Variants in MAST3 observed in about 807,000 individuals in gnomAD.
The protein encoded by MAST3 is microtubule associated serine/threonine kinase 3.
A neutral mutation model predicts 127.0 loss-of-function variants in MAST3; 43 were observed. That is an observed-to-expected ratio of 0.34 (90% CI 0.27 to 0.44). The LOEUF (loss-of-function observed/expected upper bound fraction) is 0.44, where lower values mean the gene tolerates loss of function less well. MAST3 is among the 20% of genes least tolerant of loss of function. MAST3 has a pLI of 1.00. For synonymous variants in MAST3, 785 were observed against 809.2 expected, an observed-to-expected ratio of 0.97 and a Z score of 0.51; for missense variants, 1,390 against 1,919.1, an observed-to-expected ratio of 0.72 and a Z score of 5.15.
At chr19:18,142,645 C>T (rs113337781) in intron 21 of MAST3, among the ~76,000 whole-genome samples, 16,607 of 150,442 alleles carry the variant, frequency 0.11, 1,133 homozygotes, top group Admixed American at 0.15. Context: ...CCAATGTGCC[C>T]GGCCTTTTTT....
intron 20 of MAST3, among the ~76,000 whole-genome samples, chr19:18,141,665 G>C (rs2042504245): frequency 6.6e-6 from 1 of 151,638 alleles, no homozygotes; most frequent in Admixed American, 6.6e-5. Flanking sequence ...AAGTCACCAG[G>C]CCTGGTCTAA....
intron 12 of MAST3, 49 bp downstream of exon 12, chr19:18,128,507 G>A (rs751136792): frequency 3.3e-6 from 5 of 1,523,492 alleles, no homozygotes; most frequent in Non-Finnish European, 4.4e-6. Flanking sequence ...TCTTTCCAGA[G>A]TGGACCAGGC....
chr19:18,148,476 A>G lies in MAST3; in HGVS notation c.3509-715A>G, dbSNP rs899567705. Among the ~76,000 whole-genome samples, 4 of 146,472 alleles carry G rather than the reference A, an allele frequency of 2.7e-5. No homozygotes were observed. The South Asian group carries it at 6.5e-4, about 24-fold the overall frequency. The stretch of plus-strand genomic sequence containing the variant: ...GACCCCATCTCAAAAAACAAAAGGG[A>G]AAAAAAAAAAGAAAACAGAAGTGAT... On this transcript the variant is annotated intron_variant, in intron 27 of 27. Transcript: ENST00000687212.
rs531599737 is a variant in MAST3, at chr19:18,146,422, G to A, written c.3163-459G>A. On this transcript the variant is annotated intron_variant, in intron 25 of 27. Transcript: ENST00000687212. ...ATCGTGCCATACTGCACTCCAGCCT[G>A]GGACACAGAGTGAGACCCTCCCTGG... Among the ~76,000 whole-genome samples, 4 of 152,280 alleles carry A rather than the reference G, an allele frequency of 2.6e-5. No homozygotes were observed. The South Asian group carries it at 8.3e-4, about 32-fold the overall frequency.
chr19:18,145,295 C>A lies in MAST3; in HGVS notation c.3039+66C>A. ...TTGACTCTGCCCGGTCATGTCCCTT[C>A]TCAGAGCTGCATTTTGGAGCCTGGC... is the stretch of plus-strand genomic sequence containing the variant. On this transcript the variant is annotated intron_variant, in intron 24 of 27. Transcript: ENST00000687212. This position sits in a 1 kb window ranked among gnomAD's most constrained non-coding sequence, Gnocchi z 5.9. The A allele has an allele frequency of 6.7e-7, 1 of 1,482,204 alleles. No individual in the cohort carries two copies. The highest frequency in any genetic ancestry group is 9.4e-7 in the Non-Finnish European group (1 of 1,065,496). 91.8% of individuals were successfully genotyped at this position (1,482,204 alleles called of 1,614,324 possible).
At chr19:18,120,878 C>T (rs1248788191) in intron 3 of MAST3, among the ~76,000 whole-genome samples, 2 of 152,122 alleles carry the variant, frequency 1.3e-5, no homozygotes, top group Non-Finnish European at 2.9e-5. Flanking sequence ...TGCATCACCA[C>T]GCCCAGCTAA....
chr19:18,105,070 A>G (rs1452333920), intron 1 of MAST3, among the ~76,000 whole-genome samples: 2 of 152,210 alleles, frequency 1.3e-5, no homozygotes, highest in African/African-American at 4.8e-5. Context: ...TGAGAATTTA[A>G]TAAACCCTCG....
At position 18,149,185 on chromosome 19, in the gene MAST3, C is replaced by T. The variant is rs371193733; in HGVS notation, c.3509-6C>T. 723 of 1,502,858 alleles carry T rather than the reference C, an allele frequency of 4.8e-4. 1 individual carries two copies. Among genetic ancestry groups the T allele is most frequent in the Non-Finnish European group, 6.1e-4 (687 of 1,127,476 alleles). The allele number at this position is 1,502,858 out of a possible 1,614,324, so 93.1% of individuals were successfully genotyped here. A position where few individuals can be genotyped will look rare whatever the true frequency, so the allele number is the denominator to read the frequency against. ...AGCAGCCCTGACCTACGCTTATCAC[C>T]CACAGATACCACTGCATCCCCACCC... On this transcript the variant is annotated splice_polypyrimidine_tract_variant and splice_region_variant and intron_variant, in intron 27 of 27. Coordinates refer to ENST00000687212, the MANE Select transcript of MAST3 (RefSeq NM_001393504.1). The surrounding 1 kb of genome is among the most constrained non-coding windows in gnomAD (Gnocchi z 5.9).
Position 18,110,192 on chromosome 19 carries a change from A to G in MAST3, c.72-460A>G, listed in dbSNP as rs1444579094. On this transcript the variant is annotated intron_variant, in intron 2 of 27. Coordinates refer to ENST00000687212, the MANE Select transcript of MAST3 (RefSeq NM_001393504.1). This position sits in a 1 kb window ranked among gnomAD's most constrained non-coding sequence, Gnocchi z 4.3. ...CCAGCCCCCGCGTCTAGTCTGCCGC[A>G]CCAGCCAGGCGTCTGTCCCTGCGTC... 2.0e-6 allele frequency: 2 copies of G among 985,242 alleles called. No homozygotes were observed. Among genetic ancestry groups the G allele is most frequent in the Non-Finnish European group, 2.4e-6 (2 of 829,936 alleles). The allele number at this position is 985,242 out of a possible 1,614,324, so 61.0% of individuals were successfully genotyped here.
chr19:18,122,642 T>C, intron 5 of MAST3, 31 bp from the exon 6 acceptor site: 2 of 1,596,586 alleles, frequency 1.3e-6, no homozygotes, highest in Middle Eastern at 1.7e-4. Context: ...GGCCAGGCCT[T>C]CCTTCCATCT....
rs1381102238 is a variant in MAST3, at chr19:18,110,267, G to A, written c.72-385G>A. 9.1e-6 allele frequency: 9 copies of A among 985,490 alleles called. No homozygotes were observed. Among genetic ancestry groups the A allele is most frequent in the Non-Finnish European group, 1.1e-5 (9 of 830,060 alleles). 61.0% of individuals were successfully genotyped at this position (985,490 alleles called of 1,614,324 possible). ...CGCGCCACGATCAGGGCTTCCGGGG[G>A]CCAACAAGGGGGCGTCGGTACCCCG... On this transcript the variant is annotated intron_variant, in intron 2 of 27. Transcript: ENST00000687212. The surrounding 1 kb of genome is among the most constrained non-coding windows in gnomAD (Gnocchi z 4.3).
At position 18,144,677 on chromosome 19, in the gene MAST3, C is replaced by T. The variant is rs1344231780; in HGVS notation, c.2796C>T (p.Ser932=). The T allele has an allele frequency of 1.2e-6, 2 of 1,609,080 alleles. No individual in the cohort carries two copies. ...VPKSASVSAL[S]LIITADDGSG... ...AGTCAGCCTCTGTCTCTGCCCTGTC[C>T]CTCATCATCACGGCAGGTAATGCCC... The change falls in exon 23 of 28, where the codon TCC becomes TCT. Residue 932 remains serine, a synonymous_variant. Transcript: ENST00000687212. The surrounding 1 kb of genome is among the most constrained non-coding windows in gnomAD (Gnocchi z 4.0).
At chr19:18,106,627 A>C (rs2038087283) in intron 1 of MAST3, among the ~76,000 whole-genome samples, 1 of 151,078 alleles carries the variant, frequency 6.6e-6, no homozygotes, top group African/African-American at 2.4e-5. Flanking sequence ...GCTGGAGTGC[A>C]ATGGTGTGAC....
At chr19:18,132,095 G>A (rs1287131980) in intron 15 of MAST3, 48 bp downstream of exon 15, 2 of 1,605,920 alleles carry the variant, frequency 1.2e-6, no homozygotes, top group Non-Finnish European at 1.7e-6. Context: ...CGGGGCCAGA[G>A]AGGATCAGGG....
At chr19:18,116,801 T>C (rs2039316465) in intron 3 of MAST3, among the ~76,000 whole-genome samples, 1 of 81,006 alleles carries the variant, frequency 1.2e-5, no homozygotes, top group Admixed American at 1.3e-4. Context: ...TAATCCCAGC[T>C]TCTCGGGAGG....
intron 17 of MAST3, 42 bp downstream of exon 17, chr19:18,135,024 C>A: frequency 1.3e-6 from 2 of 1,552,854 alleles, no homozygotes; most frequent in Non-Finnish European, 1.7e-6. Context: ...TGCAGCCCCA[C>A]CAGAGCTCTG....
chr19:18,126,786 T>G (rs2040682485), intron 11 of MAST3, among the ~76,000 whole-genome samples: 1 of 151,724 alleles, frequency 6.6e-6, no homozygotes. Flanking sequence ...AGTAATTTTT[T>G]TTTTTCTTTT....
intron 1 of MAST3, among the ~76,000 whole-genome samples, chr19:18,106,476 A>G (rs2038074831): frequency 6.6e-6 from 1 of 151,612 alleles, no homozygotes; most frequent in African/African-American, 2.4e-5. Flanking sequence ...TGACCTTGTG[A>G]TCTGCCCGCC....
chr19:18,149,567 C>G lies in MAST3; in HGVS notation c.3885C>G (p.Ser1295=). 2.5e-6 allele frequency: 4 copies of G among 1,592,788 alleles called. No homozygotes were observed. Among genetic ancestry groups the G allele is most frequent in the South Asian group, 1.1e-5 (1 of 88,578 alleles). ...TGGTCATGCGGCGGCTGCACCTGTC[C>G]GAGCGCCGAGACTCCTTCAAGAAGC... The part of the protein sequence containing the change: ...ELVVMRRLHL[S]ERRDSFKKQE... Residue 1295 remains serine (S), a synonymous_variant, in exon 28 of 28, where the codon TCC becomes TCG. Coordinates refer to ENST00000687212, the MANE Select transcript of MAST3 (RefSeq NM_001393504.1). The surrounding 1 kb of genome is among the most constrained non-coding windows in gnomAD (Gnocchi z 5.9).
Sources: gnomAD v4.1 joint callset for allele counts (sites outside exome capture counted in the v4.1 genomes callset) on GRCh38, gnomAD v4.1.1 for gene constraint, Gnocchi (gnomAD v3.1) non-coding constraint, MANE v1.5 for transcripts, NCBI Gene and HGNC (gene_info 2026-07-23, HGNC 2026-07-21) for gene names.